SPECC1: variants seen among roughly 807,000 people sequenced by gnomAD.
SPECC1 encodes cytospin-B.
In SPECC1, 62 loss-of-function variants were observed where a neutral mutation model predicts 104.1. The ratio of observed to expected loss-of-function variants is 0.60; its 90% CI spans 0.49 to 0.74. The LOEUF is 0.74. Ranked by LOEUF, SPECC1 falls within the 30% of genes least tolerant of loss-of-function variation. SPECC1 has a pLI of 0.00. For synonymous variants in SPECC1, 513 were observed against 501.6 expected (o/e 1.02, Z -0.30); for missense variants, 1,306 against 1,310.5 (o/e 1.00, Z 0.05).
chr17:20,188,898 G>T (rs562720775), intron 3 of SPECC1, among the ~76,000 whole-genome samples: 15 of 152,080 alleles, frequency 9.9e-5, no homozygotes, highest in Admixed American at 2.0e-4. Flanking sequence ...AGGATTTTGC[G>T]TGCCCAGTCC....
intron 12 of SPECC1, among the ~76,000 whole-genome samples, chr17:20,264,457 ATTTTTTTTTTTTTTTTTTT>A (rs10565315): frequency 1.8e-5 from 1 of 55,740 alleles, no homozygotes; most frequent in Non-Finnish European, 3.2e-5. Flanking sequence ...TTGGAGACGG[ATTTTTTTTTTTTTTTTTTT>A]TTTTTTTTTT....
At chr17:20,033,770 G>T (rs2044929617) in intron 1 of SPECC1, among the ~76,000 whole-genome samples, 1 of 152,184 alleles carries the variant, frequency 6.6e-6, no homozygotes, top group Non-Finnish European at 1.5e-5. Context: ...CCCACCTCCA[G>T]TACTGGGGAA....
chr17:20,026,798 C>T (rs985494469), intron 1 of SPECC1, among the ~76,000 whole-genome samples: 3 of 152,010 alleles, frequency 2.0e-5, no homozygotes, highest in African/African-American at 7.2e-5. Flanking sequence ...GGATAAATAC[C>T]CAGTAGTAGG....
intron 1 of SPECC1, among the ~76,000 whole-genome samples, chr17:20,015,718 A>G (rs1170975982): frequency 2.0e-5 from 3 of 149,240 alleles, no homozygotes; most frequent in African/African-American, 7.4e-5. Flanking sequence ...CCCAGTAGCG[A>G]GGACTGCCGG....
chr17:20,028,562 T>G (rs977741645), intron 1 of SPECC1, among the ~76,000 whole-genome samples: 1 of 149,932 alleles, frequency 6.7e-6, no homozygotes, highest in African/African-American at 2.5e-5. Context: ...TCCATTGATA[T>G]GTATGTATGT....
chr17:20,050,747 G>A (rs554176160), intron 1 of SPECC1, among the ~76,000 whole-genome samples: 2 of 152,184 alleles, frequency 1.3e-5, no homozygotes, highest in Non-Finnish European at 2.9e-5. Flanking sequence ...GATGGTTTTT[G>A]TTCTGGAGTA....
At chr17:20,127,929 A>G (rs1222904721) in intron 3 of SPECC1, among the ~76,000 whole-genome samples, 1 of 152,182 alleles carries the variant, frequency 6.6e-6, no homozygotes, top group Non-Finnish European at 1.5e-5. Flanking sequence ...TCAACTTAGT[A>G]GTCCAGTTAC....
chr17:20,074,400 GT>G (rs2046676474), intron 1 of SPECC1, among the ~76,000 whole-genome samples: 1 of 152,266 alleles, frequency 6.6e-6, no homozygotes. Flanking sequence ...ACTTGAGATT[GT>G]TTTTCCCCCA....
intron 10 of SPECC1, among the ~76,000 whole-genome samples, chr17:20,255,712 A>G (rs2039800487): frequency 1.3e-5 from 2 of 152,046 alleles, no homozygotes; most frequent in Admixed American, 1.3e-4. Context: ...CTAGAGGTGC[A>G]TGTCACCATG....
At chr17:20,310,651 G>A (rs1345050033) in intron 14 of SPECC1, among the ~76,000 whole-genome samples, 1 of 152,202 alleles carries the variant, frequency 6.6e-6, no homozygotes, top group Non-Finnish European at 1.5e-5. Flanking sequence ...TCTTTACCAG[G>A]CCATGTAGTC....
intron 3 of SPECC1, among the ~76,000 whole-genome samples, chr17:20,179,849 T>A (rs1046892334): frequency 3.9e-5 from 6 of 152,332 alleles, no homozygotes; most frequent in African/African-American, 1.4e-4. Context: ...TTAACACGGC[T>A]GAAGATTCAG....
intron 3 of SPECC1, among the ~76,000 whole-genome samples, chr17:20,140,123 A>T (rs1173952925): frequency 1.3e-5 from 2 of 152,164 alleles, no homozygotes; most frequent in African/African-American, 4.8e-5. Flanking sequence ...CGGCCCATCA[A>T]TTGAAAAAGT....
intron 12 of SPECC1, among the ~76,000 whole-genome samples, chr17:20,261,412 G>A (rs1002228626): frequency 6.7e-6 from 1 of 149,662 alleles, no homozygotes; most frequent in Non-Finnish European, 1.5e-5. Context: ...TGAGGCAGGA[G>A]AATGGTGTGA....
At chr17:20,132,605 T>G (rs984751440) in intron 3 of SPECC1, among the ~76,000 whole-genome samples, 1 of 151,702 alleles carries the variant, frequency 6.6e-6, no homozygotes, top group Admixed American at 6.6e-5. Flanking sequence ...CAAATTCAAA[T>G]TTCCCTAATT....
intron 12 of SPECC1, among the ~76,000 whole-genome samples, chr17:20,260,656 A>C (rs893807659): frequency 2.6e-5 from 4 of 152,226 alleles, no homozygotes; most frequent in African/African-American, 9.6e-5. Flanking sequence ...TTTTCTCAAC[A>C]AGGCTTTATT....
At chr17:20,147,776 C>G (rs1270665911) in intron 3 of SPECC1, among the ~76,000 whole-genome samples, 1 of 152,172 alleles carries the variant, frequency 6.6e-6, no homozygotes, top group Non-Finnish European at 1.5e-5. Flanking sequence ...ATGGCTCATG[C>G]TATAATCCCA....
chr17:20,281,068 G>C (rs2040754333), intron 12 of SPECC1, among the ~76,000 whole-genome samples: 1 of 152,146 alleles, frequency 6.6e-6, no homozygotes, highest in South Asian at 2.1e-4. Context: ...CGTTTGCCAG[G>C]GGCTTCATTC....
chr17:20,054,606 C>T (rs1597622202), intron 1 of SPECC1, among the ~76,000 whole-genome samples: 1 of 152,232 alleles, frequency 6.6e-6, no homozygotes, highest in Middle Eastern at 3.4e-3. Context: ...AGGGTCGATG[C>T]TCTGTTCATC....
At chr17:20,035,892 G>GC (rs2045054928) in intron 1 of SPECC1, among the ~76,000 whole-genome samples, 1 of 151,964 alleles carries the variant, frequency 6.6e-6, no homozygotes, top group African/African-American at 2.4e-5. Context: ...GAGTGCGGTG[G>GC]CTCAACACTG....
Sources: gnomAD v4.1 joint callset for allele counts (sites outside exome capture counted in the v4.1 genomes callset) on GRCh38, gnomAD v4.1.1 for gene constraint, MANE v1.5 for transcripts, NCBI Gene and HGNC (gene_info 2026-07-23, HGNC 2026-07-21) for gene names.